Variants in AKAP13 observed in about 807,000 individuals in gnomAD.
AKAP13 encodes A-kinase anchor protein 13.
AKAP13 carries 80 observed loss-of-function variants against 264.5 expected under a neutral mutation model. The ratio of observed to expected loss-of-function variants is 0.30; its 90% CI spans 0.25 to 0.36. The LOEUF is 0.36. AKAP13 is among the 10% of genes least tolerant of loss of function. The pLI, the probability that AKAP13 is intolerant of heterozygous loss-of-function variation, is 1.00. For synonymous variants in AKAP13, 1,380 were observed against 1,250.2 expected (o/e 1.10, Z -2.19); for missense variants, 3,712 against 3,435.2 (o/e 1.08, Z -2.01).
intron 2 of AKAP13, among the ~76,000 whole-genome samples, chr15:85,503,486 C>G (rs1167624977): frequency 6.6e-6 from 1 of 152,196 alleles, no homozygotes; most frequent in East Asian, 1.9e-4. Flanking sequence ...CTTTGAATGT[C>G]TCTTTTCCAT....
Position 85,708,042 on chromosome 15 carries a change from G to A in AKAP13, c.5488G>A (p.Gly1830Ser). 1 of 1,613,956 alleles carries A rather than the reference G, an allele frequency of 6.2e-7. No homozygotes were observed. Residue 1830 changes from glycine (G) to serine (S), a missense_variant, in exon 18 of 37, where the codon GGC (glycine) becomes AGC (serine). Gly to Ser is a moderately conservative substitution (Grantham distance 56). Coordinates refer to ENST00000394518, the MANE Select transcript of AKAP13 (RefSeq NM_007200.5). This position sits in a 1 kb window ranked among gnomAD's most constrained non-coding sequence, Gnocchi z 4.3. ...AGATTGCAGTGCTTTTGTCCACAAA[G>A]GCTGCCGAGAAAGTCTAGCCTCCTG... ...CANCSAFVHKGCRESLASCAK... is the reference protein window; with the variant it reads ...CANCSAFVHKSCRESLASCAK...
intron 2 of AKAP13, among the ~76,000 whole-genome samples, chr15:85,512,433 G>A (rs562086721): frequency 6.6e-6 from 1 of 152,094 alleles, no homozygotes; most frequent in South Asian, 2.1e-4. Context: ...GTAGTCCTTC[G>A]ATGCCTGCGA....
chr15:85,491,630 G>A (rs1229256899), intron 2 of AKAP13, among the ~76,000 whole-genome samples: 1 of 150,708 alleles, frequency 6.6e-6, no homozygotes, highest in East Asian at 1.9e-4. Flanking sequence ...TGGCTGGATT[G>A]CTTTTTGGGA....
chr15:85,485,888 C>T, intron 2 of AKAP13, 135 bp downstream of exon 2: 1 of 723,614 alleles, frequency 1.4e-6, no homozygotes, highest in Non-Finnish European at 2.3e-6. Context: ...TGGTGTAAGA[C>T]ACTTCAGAAA....
chr15:85,479,188 C>T (rs1320273510), intron 1 of AKAP13, among the ~76,000 whole-genome samples: 1 of 152,282 alleles, frequency 6.6e-6, no homozygotes, highest in Middle Eastern at 3.4e-3. Flanking sequence ...GGTCTTCTTC[C>T]GTTGTTCAGA....
chr15:85,598,942 C>T (rs1242325915), intron 8 of AKAP13, among the ~76,000 whole-genome samples: 2 of 152,140 alleles, frequency 1.3e-5, no homozygotes, highest in Admixed American at 1.3e-4. Context: ...GAAAGTGATG[C>T]GTGTATCATG....
Position 85,638,377 on chromosome 15 carries a change from ATTTGTTTTATTTGAGG to A in AKAP13, c.4162-986_4162-971del, listed in dbSNP as rs1171814436. ...TTGTTTTATGTGATACAATATGAAC[ATTTGTTTTATTTGAGG>A]TTTGTTTTATGTGATAGAATATGAA... is the stretch of plus-strand genomic sequence containing the variant. On this transcript the variant is annotated intron_variant, in intron 8 of 36. Transcript: ENST00000394518. Among the ~76,000 whole-genome samples the A allele has an allele frequency of 5.3e-5, 8 of 152,058 alleles. No individual in the cohort carries two copies. In the East Asian group the frequency reaches 1.4e-3, roughly 26 times the overall value.
At chr15:85,501,251 T>C (rs2076030441) in intron 2 of AKAP13, among the ~76,000 whole-genome samples, 1 of 152,198 alleles carries the variant, frequency 6.6e-6, no homozygotes, top group Admixed American at 6.5e-5. Flanking sequence ...TGTGGGTATT[T>C]CTTACAGCCA....
chr15:85,501,848 G>T (rs1049693477), intron 2 of AKAP13, among the ~76,000 whole-genome samples: 1 of 152,108 alleles, frequency 6.6e-6, no homozygotes, highest in Non-Finnish European at 1.5e-5. Flanking sequence ...GAAGAAGCGG[G>T]CTATTGCCTA....
chr15:85,485,313 C>T (rs1267674530), intron 1 of AKAP13, among the ~76,000 whole-genome samples: 1 of 152,150 alleles, frequency 6.6e-6, no homozygotes, highest in Non-Finnish European at 1.5e-5. Context: ...ACTTTCCAGG[C>T]TCCCTAGTAA....
At chr15:85,546,808 A>G (rs888440158) in intron 5 of AKAP13, among the ~76,000 whole-genome samples, 3 of 148,078 alleles carry the variant, frequency 2.0e-5, no homozygotes, top group African/African-American at 7.6e-5. Flanking sequence ...CAGTGGCACG[A>G]TCTTGTCTCA....
chr15:85,582,566 A>G (rs573568203), intron 7 of AKAP13, among the ~76,000 whole-genome samples: 32 of 152,126 alleles, frequency 2.1e-4, no homozygotes, highest in Non-Finnish European at 1.0e-4. Context: ...GCAAATTTAG[A>G]GTCAGAGTGG....
chr15:85,474,710 A>G (rs2075091194), intron 1 of AKAP13, among the ~76,000 whole-genome samples: 1 of 152,138 alleles, frequency 6.6e-6, no homozygotes, highest in African/African-American at 2.4e-5. Context: ...TTTCCTTCCA[A>G]TTTTGATAGG....
chr15:85,680,395 G>T (rs900616873), intron 14 of AKAP13, among the ~76,000 whole-genome samples: 1 of 152,142 alleles, frequency 6.6e-6, no homozygotes, highest in Admixed American at 6.5e-5. Flanking sequence ...ATGGATCCCA[G>T]ATATTCTTAT....
chr15:85,424,761 A>T (rs2072691555), intron 1 of AKAP13, among the ~76,000 whole-genome samples: 1 of 152,138 alleles, frequency 6.6e-6, no homozygotes, highest in Admixed American at 6.5e-5. Context: ...AATTATTTCT[A>T]GCTTTTGAGT....
chr15:85,741,737 A>AAAC (rs1567226023), intron 35 of AKAP13, among the ~76,000 whole-genome samples: 18 of 150,274 alleles, frequency 1.2e-4, no homozygotes, highest in African/African-American at 3.4e-4. Flanking sequence ...AACAAAAAAA[A>AAAC]AAAACAGTTT....
intron 1 of AKAP13, among the ~76,000 whole-genome samples, chr15:85,444,816 T>TA (rs938570230): frequency 1.3e-5 from 2 of 152,164 alleles, no homozygotes; most frequent in Admixed American, 6.5e-5. Context: ...TTGGACCTCT[T>TA]ACTTCCTGGA....
At chr15:85,443,624 C>G (rs1174861734) in intron 1 of AKAP13, among the ~76,000 whole-genome samples, 1 of 152,050 alleles carries the variant, frequency 6.6e-6, no homozygotes, top group African/African-American at 2.4e-5. Flanking sequence ...AGAAAAGGTA[C>G]AGTATAAATA....
rs17552665 is a variant in AKAP13 at position 85,416,697 on chromosome 15, T to C, written c.-12+35899T>C. 7.0e-3 allele frequency among the ~76,000 whole-genome samples: 1,061 copies of C among 152,322 alleles called. 12 individuals carry two copies. Among genetic ancestry groups the C allele is most frequent in the Non-Finnish European group, 9.1e-3 (619 of 68,030 alleles). On this transcript the variant is annotated intron_variant, in intron 1 of 36. Transcript: ENST00000394518. ...TGATTATGGAATTTTGGTGTGTGTTTGAATGTCAGAGATAGTGTTAAGGTC... is the reference window on the plus strand; with the variant it reads ...TGATTATGGAATTTTGGTGTGTGTTCGAATGTCAGAGATAGTGTTAAGGTC...
Sources: gnomAD v4.1 joint callset for allele counts (sites outside exome capture counted in the v4.1 genomes callset) on GRCh38, gnomAD v4.1.1 for gene constraint, Gnocchi (gnomAD v3.1) non-coding constraint, MANE v1.5 for transcripts, NCBI Gene and HGNC (gene_info 2026-07-23, HGNC 2026-07-21) for gene names.